The following ITFG1 variants were observed in gnomAD, a reference collection of about 807,000 sequenced individuals.
ITFG1 encodes the protein T-cell immunomodulatory protein.
In ITFG1, 34 loss-of-function variants were observed where a neutral mutation model predicts 81.8. The ratio of observed to expected loss-of-function variants is 0.42; its 90% CI spans 0.32 to 0.55. The LOEUF (loss-of-function observed/expected upper bound fraction) is 0.55. ITFG1 is among the 20% of genes least tolerant of loss of function. ITFG1 has a pLI of 0.17. For synonymous variants in ITFG1, 285 were observed against 270.6 expected, an observed-to-expected ratio of 1.05 and a Z score of -0.52; for missense variants, 672 against 755.4, an observed-to-expected ratio of 0.89 and a Z score of 1.29.
chr16:47,352,651 G>A (rs1567471184), intron 8 of ITFG1, among the ~76,000 whole-genome samples: 2 of 152,174 alleles, frequency 1.3e-5, no homozygotes, highest in Non-Finnish European at 2.9e-5. Flanking sequence ...TCAGTGTGGC[G>A]ATTCCTCAGG....
At chr16:47,455,340 C>A (rs1969437833) in intron 2 of ITFG1, among the ~76,000 whole-genome samples, 1 of 150,296 alleles carries the variant, frequency 6.7e-6, no homozygotes, top group Admixed American at 6.6e-5. Context: ...AGAACTAATG[C>A]AACAAAAGAA....
chr16:47,155,959 G>A (rs1004115270), intron 17 of ITFG1, among the ~76,000 whole-genome samples, 181 bp from the exon 18 acceptor site: 1 of 152,050 alleles, frequency 6.6e-6, no homozygotes, highest in Admixed American at 6.6e-5. Context: ...TATAATTAAT[G>A]ATCTAATTGA....
intron 14 of ITFG1, among the ~76,000 whole-genome samples, chr16:47,165,831 G>A (rs2151508165): frequency 1.3e-5 from 2 of 152,312 alleles, no homozygotes; most frequent in South Asian, 4.1e-4. Flanking sequence ...GGGAGATAGA[G>A]TAAGACCCTG....
At chr16:47,165,308 T>C (rs1437167592) in intron 14 of ITFG1, among the ~76,000 whole-genome samples, 3 of 152,210 alleles carry the variant, frequency 2.0e-5, no homozygotes, top group African/African-American at 7.2e-5. Flanking sequence ...TATATTTACC[T>C]GATTATTTAT....
At chr16:47,365,721 T>C in intron 8 of ITFG1, 67 bp downstream of exon 8, 4 of 939,032 alleles carry the variant, frequency 4.3e-6, no homozygotes, top group South Asian at 2.9e-5. Context: ...TTAATATAAA[T>C]AGAACAGAAA....
In ITFG1 at chr16:47,410,863, G is replaced by A. The variant is rs142497830; in HGVS notation, c.655+17941C>T. ...GGCATCTGTGGCAAAACATAGCAATGGGGACCCATTCCCCAAGGCTCTCCA... is the reference window on the plus strand; with the variant it reads ...GGCATCTGTGGCAAAACATAGCAATAGGGACCCATTCCCCAAGGCTCTCCA... On this transcript the variant is annotated intron_variant, in intron 6 of 17. Transcript: ENST00000320640. 8.2e-3 allele frequency among the ~76,000 whole-genome samples: 1,247 copies of A among 152,280 alleles called. 12 individuals carry two copies. The highest frequency in any genetic ancestry group is 0.028 in the African/African-American group (1,162 of 41,544).
chr16:47,284,775 CTG>C (rs1966863502), intron 10 of ITFG1, among the ~76,000 whole-genome samples: 1 of 152,142 alleles, frequency 6.6e-6, no homozygotes, highest in South Asian at 2.1e-4. Flanking sequence ...GGAAGAATAA[CTG>C]TTTCTGAATC....
At chr16:47,205,566 A>G (rs1054171630) in intron 14 of ITFG1, among the ~76,000 whole-genome samples, 2 of 152,308 alleles carry the variant, frequency 1.3e-5, no homozygotes, top group Middle Eastern at 3.4e-3. Flanking sequence ...AAGGTTTTCT[A>G]CGCTCTGTGA....
chr16:47,441,413 T>C (rs1300209777), intron 5 of ITFG1, among the ~76,000 whole-genome samples: 1 of 152,162 alleles, frequency 6.6e-6, no homozygotes, highest in African/African-American at 2.4e-5. Flanking sequence ...TGATGAACAT[T>C]GATGCACAAA....
rs772891698 is a variant in ITFG1, at chr16:47,162,596, T to G, written c.1522A>C (p.Ser508Arg). The change falls in exon 15 of 18, where the codon AGC (serine) becomes CGC (arginine). Residue 508 changes from serine to arginine, a missense_variant. Ser to Arg is a moderately radical substitution (Grantham distance 110). Coordinates refer to ENST00000320640, the MANE Select transcript of ITFG1 (RefSeq NM_030790.5). ...TAGAGATGGTCAAGAAAATTTGCGC[T>G]CCGACCTAAACCAAGCACGTTGTAT... ...LPYNVLGLGR[S>R]ANFLDHLYVG... 6.2e-7 allele frequency: 1 copy of G among 1,612,694 alleles called. No homozygotes were observed. Among genetic ancestry groups the G allele is most frequent in the South Asian group, 1.1e-5 (1 of 90,902 alleles).
intron 6 of ITFG1, among the ~76,000 whole-genome samples, chr16:47,381,855 A>G (rs1431479960): frequency 1.3e-5 from 2 of 152,214 alleles, no homozygotes; most frequent in Non-Finnish European, 2.9e-5. Flanking sequence ...GAGGTCATCA[A>G]TTGAAATGCT....
At chr16:47,408,809 G>T (rs1454179986) in intron 6 of ITFG1, among the ~76,000 whole-genome samples, 1 of 152,176 alleles carries the variant, frequency 6.6e-6, no homozygotes, top group Non-Finnish European at 1.5e-5. Flanking sequence ...GCAGGAGTTT[G>T]CAAGCCTTTT....
rs1016518500 is a variant in ITFG1 at position 47,372,078 on chromosome 16, A to G, written c.720+3798T>C. 2.6e-5 allele frequency among the ~76,000 whole-genome samples: 4 copies of G among 151,758 alleles called. No homozygotes were observed. The East Asian group carries it at 7.8e-4, about 29-fold the overall frequency. On this transcript the variant is annotated intron_variant, in intron 7 of 17. Coordinates refer to ENST00000320640, the MANE Select transcript of ITFG1 (RefSeq NM_030790.5). ...CAGGCGCCCGCCACCGCACCCAGCT[A>G]ATTTTCTGTATTTTTAGTAGAGAGG...
At chr16:47,188,030 T>C (rs1206854246) in intron 14 of ITFG1, among the ~76,000 whole-genome samples, 15 of 152,092 alleles carry the variant, frequency 9.9e-5, no homozygotes, top group African/African-American at 2.9e-4. Flanking sequence ...CATCACTGGC[T>C]ATCAGAGAAA....
chr16:47,296,745 G>A (rs1966988010), intron 10 of ITFG1, among the ~76,000 whole-genome samples: 1 of 152,102 alleles, frequency 6.6e-6, no homozygotes, highest in Non-Finnish European at 1.5e-5. Context: ...TATTTATATA[G>A]TTTTGAGAAT....
At chr16:47,176,328 TAAG>T (rs1430344777) in intron 14 of ITFG1, among the ~76,000 whole-genome samples, 2 of 152,098 alleles carry the variant, frequency 1.3e-5, no homozygotes, top group Non-Finnish European at 2.9e-5. Flanking sequence ...CATTTTTAAA[TAAG>T]AAAATATGAG....
At chr16:47,396,761 G>C (rs1968599547) in intron 6 of ITFG1, among the ~76,000 whole-genome samples, 1 of 152,174 alleles carries the variant, frequency 6.6e-6, no homozygotes, top group Non-Finnish European at 1.5e-5. Context: ...AAGCGTTGCA[G>C]GGAGGGCACT....
At chr16:47,365,640 AT>A in intron 8 of ITFG1, 147 bp downstream of exon 8, 3 of 548,872 alleles carry the variant, frequency 5.5e-6, no homozygotes, top group South Asian at 3.1e-5. Flanking sequence ...ATACAATACT[AT>A]TATGGAATAG....
chr16:47,247,037 A>T (rs1276802209), intron 12 of ITFG1, among the ~76,000 whole-genome samples: 2 of 151,470 alleles, frequency 1.3e-5, no homozygotes, highest in Non-Finnish European at 2.9e-5. Flanking sequence ...GCCTGCCTTG[A>T]CCTCCCAAAC....
Sources: gnomAD v4.1 joint callset for allele counts (sites outside exome capture counted in the v4.1 genomes callset) on GRCh38, gnomAD v4.1.1 for gene constraint, MANE v1.5 for transcripts, NCBI Gene and HGNC (gene_info 2026-07-23, HGNC 2026-07-21) for gene names.